ELAVL4: variants seen among roughly 807,000 people sequenced by gnomAD.
ELAVL4 encodes ELAV-like protein 4.
Under a neutral mutation model 35.6 loss-of-function variants are expected in ELAVL4, and 1 was observed. The observed-to-expected ratio is 0.03, with a 90% CI of 0.01 to 0.13. ELAVL4 has a LOEUF of 0.13. ELAVL4 is among the 10% of genes least tolerant of loss of function. The probability of loss-of-function intolerance (pLI) is 1.00; values close to 1 mark genes in which losing one functional copy is unlikely to be tolerated. For synonymous variants in ELAVL4, 156 were observed against 171.0 expected, an observed-to-expected ratio of 0.91 and a Z score of 0.69; for missense variants, 267 against 464.9, an observed-to-expected ratio of 0.57 and a Z score of 3.91.
intron 2 of ELAVL4, among the ~76,000 whole-genome samples, chr1:50,168,330 T>C (rs1454035007): frequency 6.6e-6 from 1 of 151,948 alleles, no homozygotes; most frequent in Non-Finnish European, 1.5e-5. Context: ...AGTTTCAGGG[T>C]CCCATTTTTT....
At chr1:50,061,583 T>C (rs1472414700) in intron 1 of ELAVL4, among the ~76,000 whole-genome samples, 1 of 152,212 alleles carries the variant, frequency 6.6e-6, no homozygotes, top group Non-Finnish European at 1.5e-5. Flanking sequence ...GTGGCCCTCA[T>C]GGAGGTGCAC....
intron 1 of ELAVL4, among the ~76,000 whole-genome samples, chr1:50,080,216 C>T (rs905632338): frequency 6.6e-6 from 1 of 152,194 alleles, no homozygotes; most frequent in Non-Finnish European, 1.5e-5. Flanking sequence ...AGTACTGGCA[C>T]TAGCATTCCC....
At chr1:50,167,846 G>C (rs1193217229) in intron 2 of ELAVL4, among the ~76,000 whole-genome samples, 1 of 152,166 alleles carries the variant, frequency 6.6e-6, no homozygotes, top group African/African-American at 2.4e-5. Context: ...TGACCACTCA[G>C]AGAGGTCCAT....
chr1:50,102,939 T>C (rs1168603731), upstream of ELAVL4, among the ~76,000 whole-genome samples: 1 of 152,186 alleles, frequency 6.6e-6, no homozygotes, highest in Admixed American at 6.5e-5. Context: ...TTTCAGAATT[T>C]TGTAAGTAAG....
At chr1:50,053,510 A>G (rs527913975) in intron 1 of ELAVL4, among the ~76,000 whole-genome samples, 1 of 152,206 alleles carries the variant, frequency 6.6e-6, no homozygotes, top group South Asian at 2.1e-4. Context: ...CACCAAGCCT[A>G]GCTAATTTTT....
intron 2 of ELAVL4, among the ~76,000 whole-genome samples, chr1:50,159,356 C>G (rs900331902): frequency 6.6e-6 from 1 of 152,152 alleles, no homozygotes; most frequent in East Asian, 1.9e-4. Flanking sequence ...GCCTATAATC[C>G]TGGCACTGTG....
intron 2 of ELAVL4, among the ~76,000 whole-genome samples, chr1:50,169,450 T>C (rs1388388990): frequency 6.6e-6 from 1 of 152,146 alleles, no homozygotes; most frequent in Non-Finnish European, 1.5e-5. Context: ...TGCCTTTCCT[T>C]CTTCTCTGCT....
chr1:50,104,529 A>G (rs12033049), upstream of ELAVL4, among the ~76,000 whole-genome samples: 1,313 of 152,342 alleles, frequency 8.6e-3, 10 homozygotes, highest in Middle Eastern at 0.034. Context: ...TGAAGGACAT[A>G]GTCACTATTG....
chr1:50,155,716 A>G (rs1675612275), intron 2 of ELAVL4, among the ~76,000 whole-genome samples: 1 of 152,136 alleles, frequency 6.6e-6, no homozygotes, highest in South Asian at 2.1e-4. Context: ...ACATGCAGGA[A>G]CTTCAGTTTT....
chr1:50,178,295 T>G (rs1006783867), intron 3 of ELAVL4, among the ~76,000 whole-genome samples: 4 of 152,220 alleles, frequency 2.6e-5, no homozygotes, highest in Non-Finnish European at 4.4e-5. Flanking sequence ...GCACCAGCTC[T>G]CAGCATCTGA....
At chr1:50,048,947 C>A (rs1663215385) in intron 1 of ELAVL4, among the ~76,000 whole-genome samples, 1 of 152,102 alleles carries the variant, frequency 6.6e-6, no homozygotes, top group Admixed American at 6.5e-5. Flanking sequence ...AAGTCTTGAA[C>A]CTGCAGGAGA....
At chr1:50,166,769 G>T (rs1294945352) in intron 2 of ELAVL4, among the ~76,000 whole-genome samples, 3 of 152,264 alleles carry the variant, frequency 2.0e-5, no homozygotes, top group Admixed American at 6.5e-5. Context: ...CCATTGTGGA[G>T]TAGTAGACTA....
Position 50,134,718 on chromosome 1 carries a change from C to T in ELAVL4, c.10-10239C>T, listed in dbSNP as rs995104986. 7.2e-5 allele frequency among the ~76,000 whole-genome samples: 11 copies of T among 152,030 alleles called. No individual in the cohort carries two copies. The South Asian group carries it at 1.0e-3, about 14-fold the overall frequency. Reference sequence around the variant, plus strand: ...TACTGGCCATTTTGGAAAGGAGAACCGAATTGTGGGGGATGAAGGAAACGT... The same window carrying T: ...TACTGGCCATTTTGGAAAGGAGAACTGAATTGTGGGGGATGAAGGAAACGT... On this transcript the variant is annotated intron_variant, in intron 1 of 6. Transcript: ENST00000371824.
At chr1:50,099,618 C>A (rs1665878646), upstream of ELAVL4, among the ~76,000 whole-genome samples, 1 of 149,548 alleles carries the variant, frequency 6.7e-6, no homozygotes, top group African/African-American at 2.5e-5. Flanking sequence ...AACTATAATC[C>A]ATTGAATGCA....
At chr1:50,139,660 GT>G (rs1001518311) in intron 1 of ELAVL4, among the ~76,000 whole-genome samples, 10 of 152,146 alleles carry the variant, frequency 6.6e-5, no homozygotes, top group Admixed American at 2.6e-4. Context: ...GGTAACTTGG[GT>G]AGATAAAAGG....
At chr1:50,198,008 G>A (rs1644161637) in intron 6 of ELAVL4, among the ~76,000 whole-genome samples, 1 of 152,214 alleles carries the variant, frequency 6.6e-6, no homozygotes, top group South Asian at 2.1e-4. Flanking sequence ...CCCCACTTCA[G>A]TGTGCATTTC....
upstream of ELAVL4, among the ~76,000 whole-genome samples, chr1:50,105,384 C>T (rs1015954876): frequency 6.6e-6 from 1 of 152,024 alleles, no homozygotes. Context: ...TTTCATTCTT[C>T]GCAGTTCTTA....
At chr1:50,176,645 C>G (rs935116339) in intron 2 of ELAVL4, among the ~76,000 whole-genome samples, 5 of 152,208 alleles carry the variant, frequency 3.3e-5, no homozygotes, top group Admixed American at 2.6e-4. Flanking sequence ...ATCTCCAGAA[C>G]AGAGATTGGA....
intron 1 of ELAVL4, among the ~76,000 whole-genome samples, chr1:50,118,494 GA>G (rs562976081): frequency 0.035 from 3,928 of 111,910 alleles, 129 homozygotes; most frequent in African/African-American, 0.15. Flanking sequence ...CCATTTGAAG[GA>G]AAAAAAAAGA....
Sources: allele counts gnomAD v4.1 joint callset (sites outside exome capture counted in the v4.1 genomes callset), GRCh38; gene constraint gnomAD v4.1.1; transcripts MANE v1.5; gene names NCBI Gene and HGNC (gene_info 2026-07-23, HGNC 2026-07-21).